ARID5B: variants seen among roughly 807,000 people sequenced by gnomAD.
ARID5B encodes the protein AT-rich interaction domain 5B.
Under a neutral mutation model 97.2 loss-of-function variants are expected in ARID5B, and 13 were observed. The ratio of observed to expected loss-of-function variants is 0.13; its 90% CI spans 0.09 to 0.21. ARID5B has a LOEUF of 0.21. Among genes scored for constraint, ARID5B ranks in the 10% least tolerant of loss-of-function variants. The pLI is 1.00. For missense variants in ARID5B, 1,210 were observed against 1,465.3 expected (o/e 0.83, Z 2.84); for synonymous variants, 556 against 570.3 (o/e 0.97, Z 0.36).
At chr10:62,059,801 T>C (rs746479010) in intron 7 of ARID5B, among the ~76,000 whole-genome samples, 1 of 152,162 alleles carries the variant, frequency 6.6e-6, no homozygotes, top group Admixed American at 6.5e-5. Context: ...ATCAAACTTA[T>C]TCGGAACAGG....
intron 2 of ARID5B, among the ~76,000 whole-genome samples, chr10:61,923,218 C>T (rs756760709): frequency 7.9e-5 from 12 of 152,138 alleles, no homozygotes; most frequent in Non-Finnish European, 1.6e-4. Context: ...TGTTCCTCTG[C>T]CCACAGTGTC....
At chr10:62,072,709 G>A (rs374496186) in intron 8 of ARID5B, among the ~76,000 whole-genome samples, 9 of 152,278 alleles carry the variant, frequency 5.9e-5, no homozygotes, top group African/African-American at 2.2e-4. Context: ...AGATGCAACC[G>A]CTAACTACCA....
chr10:61,902,078 T>C, intron 1 of ARID5B, 81 bp from the exon 2 acceptor site: 1 of 1,533,874 alleles, frequency 6.5e-7, no homozygotes, highest in Non-Finnish European at 8.9e-7. Context: ...AGTGGATGTC[T>C]GTGTGTAAAT....
intron 8 of ARID5B, among the ~76,000 whole-genome samples, chr10:62,075,715 C>T (rs1482229711): frequency 1.3e-5 from 2 of 152,136 alleles, no homozygotes; most frequent in East Asian, 1.9e-4. Flanking sequence ...CTCATGCAGG[C>T]GCCTCCAGTT....
At chr10:61,925,992 A>C (rs1256619128) in intron 2 of ARID5B, among the ~76,000 whole-genome samples, 2 of 152,150 alleles carry the variant, frequency 1.3e-5, no homozygotes, top group African/African-American at 4.8e-5. Context: ...AGCAGGATGG[A>C]AAAGGTTGGA....
At position 62,091,589 on chromosome 10, in the gene ARID5B, C is replaced by T. The variant is rs183477532; in HGVS notation, c.2126C>T (p.Pro709Leu). ...GGGGCCAGCCTCTCCAGCAGCTACCCTTATGGCTCCCCACCCCCTTTGATC... is the reference window on the plus strand; with the variant it reads ...GGGGCCAGCCTCTCCAGCAGCTACCTTTATGGCTCCCCACCCCCTTTGATC... Reference protein sequence around the residue: ...VSGASLSSSYPYGSPPPLISK... With the variant: ...VSGASLSSSYLYGSPPPLISK... Residue 709 changes from proline to leucine, a missense_variant, in exon 10 of 10, where the codon CCT becomes CTT. By Grantham distance (98) the Pro-to-Leu change is moderately conservative. Around this residue, in one of 8 missense-constraint regions of ARID5B, gnomAD observed 800 missense variants for 839.1 expected, o/e 0.95. Transcript: ENST00000279873. 2 of 1,612,886 alleles carry T rather than the reference C, an allele frequency of 1.2e-6. No individual in the cohort carries two copies. Among genetic ancestry groups the T allele is most frequent in the East Asian group, 2.2e-5 (1 of 44,872 alleles).
chr10:61,950,511 A>G (rs1327620222), intron 3 of ARID5B, among the ~76,000 whole-genome samples: 1 of 152,204 alleles, frequency 6.6e-6, no homozygotes, highest in Non-Finnish European at 1.5e-5. Context: ...CTGCAAAAAA[A>G]TTTTAAAAAT....
chr10:62,002,635 G>A (rs974915502), intron 4 of ARID5B, among the ~76,000 whole-genome samples: 1 of 152,298 alleles, frequency 6.6e-6, no homozygotes. Context: ...CCAACTGGTT[G>A]CATTTGAAAT....
chr10:61,971,812 C>A (rs1013051757), intron 3 of ARID5B, among the ~76,000 whole-genome samples: 3 of 152,134 alleles, frequency 2.0e-5, no homozygotes, highest in African/African-American at 7.2e-5. Context: ...CTTGGTGCAG[C>A]TATTTTATCA....
chr10:61,978,539 G>A lies in ARID5B; in HGVS notation c.503-21552G>A, dbSNP rs1216656341. Among the ~76,000 whole-genome samples, 6 of 152,284 alleles carry A rather than the reference G, an allele frequency of 3.9e-5. No individual in the cohort carries two copies. In the South Asian group the frequency reaches 1.2e-3, roughly 32 times the overall value. On this transcript the variant is annotated intron_variant, in intron 3 of 9. Transcript: ENST00000279873. ...TTTGTGTCCTCTTTTATTTCGTTGAGCAGTGGCTTGTAGTTCTCCTTGAAG... is the reference window on the plus strand; with the variant it reads ...TTTGTGTCCTCTTTTATTTCGTTGAACAGTGGCTTGTAGTTCTCCTTGAAG...
chr10:62,060,246 T>C (rs1839905238), intron 7 of ARID5B, among the ~76,000 whole-genome samples: 1 of 152,186 alleles, frequency 6.6e-6, no homozygotes, highest in African/African-American at 2.4e-5. Context: ...ATAAAGCACA[T>C]TGTTCCACAA....
intron 4 of ARID5B, 29 bp from the exon 5 acceptor site, chr10:62,050,859 T>G: frequency 6.4e-7 from 1 of 1,569,662 alleles, no homozygotes; most frequent in South Asian, 1.1e-5. Flanking sequence ...AGTGAAAATG[T>G]ATATCAATTG....
chr10:62,004,325 C>G (rs1400411053), intron 4 of ARID5B, among the ~76,000 whole-genome samples: 1 of 152,200 alleles, frequency 6.6e-6, no homozygotes, highest in Non-Finnish European at 1.5e-5. Context: ...ATTCTTCCAT[C>G]TTGTCAGTTA....
intron 4 of ARID5B, among the ~76,000 whole-genome samples, chr10:62,010,196 A>C (rs1839198220): frequency 6.6e-6 from 1 of 152,160 alleles, no homozygotes; most frequent in Non-Finnish European, 1.5e-5. Context: ...GAGAGGCACC[A>C]ATTTTGCAGC....
At chr10:62,032,073 C>T (rs60012833) in intron 4 of ARID5B, among the ~76,000 whole-genome samples, 11,229 of 151,992 alleles carry the variant, frequency 0.074, 647 homozygotes, top group Admixed American at 0.2. Flanking sequence ...GTGCCTGTAG[C>T]CCCAGCTAAT....
chr10:62,052,844 G>A (rs1839808920), intron 5 of ARID5B, among the ~76,000 whole-genome samples: 1 of 152,206 alleles, frequency 6.6e-6, no homozygotes, highest in Non-Finnish European at 1.5e-5. Flanking sequence ...CACCGTTGGT[G>A]TTCAATGGTG....
intron 2 of ARID5B, among the ~76,000 whole-genome samples, chr10:61,922,698 CAT>C (rs556217969): frequency 9.6e-4 from 147 of 152,346 alleles, no homozygotes; most frequent in African/African-American, 3.0e-3. Context: ...TAAAAATCCA[CAT>C]GAGAGGGATT....
intron 2 of ARID5B, among the ~76,000 whole-genome samples, chr10:61,906,432 A>T (rs185281226): frequency 6.6e-6 from 1 of 152,360 alleles, no homozygotes; most frequent in East Asian, 1.9e-4. Flanking sequence ...ACTTCTGATT[A>T]CATTCATTTT....
chr10:62,043,402 G>A (rs1345668111), intron 4 of ARID5B, among the ~76,000 whole-genome samples: 2 of 152,122 alleles, frequency 1.3e-5, no homozygotes, highest in African/African-American at 2.4e-5. Context: ...TTTATATTAC[G>A]TTGGAATTCA....
Sources: gnomAD v4.1 joint callset for allele counts (sites outside exome capture counted in the v4.1 genomes callset) on GRCh38, gnomAD v4.1.1 for gene constraint, gnomAD v4.1.1 regional missense constraint, MANE v1.5 for transcripts, NCBI Gene and HGNC (gene_info 2026-07-23, HGNC 2026-07-21) for gene names.